Variants in CNTN5 observed in about 807,000 individuals in gnomAD.
CNTN5 encodes the protein contactin 5.
CNTN5 carries 77 observed loss-of-function variants against 129.1 expected under a neutral mutation model. The ratio of observed to expected loss-of-function variants is 0.60; its 90% CI spans 0.50 to 0.72. The LOEUF is 0.72. Among genes scored for constraint, CNTN5 ranks in the 30% least tolerant of loss-of-function variants. CNTN5 has a pLI of 0.00. For missense variants in CNTN5, 1,478 were observed against 1,328.8 expected (o/e 1.11, Z -1.75); for synonymous variants, 509 against 465.6 (o/e 1.09, Z -1.20).
chr11:99,455,171 C>G (rs1944452155), intron 2 of CNTN5, among the ~76,000 whole-genome samples: 1 of 151,892 alleles, frequency 6.6e-6, no homozygotes, highest in South Asian at 2.1e-4. Context: ...CAAAGTTGGC[C>G]CTCAAGATGC....
intron 2 of CNTN5, among the ~76,000 whole-genome samples, chr11:99,374,053 G>A (rs183557590): frequency 1.2e-3 from 187 of 152,168 alleles, no homozygotes; most frequent in Non-Finnish European, 1.9e-3. Flanking sequence ...GGAAGTTATC[G>A]AAACATTTCA....
chr11:100,260,203 G>T (rs1950167433), intron 17 of CNTN5, among the ~76,000 whole-genome samples: 1 of 152,054 alleles, frequency 6.6e-6, no homozygotes, highest in South Asian at 2.1e-4. Context: ...AGAAGAAATG[G>T]ATAAACTCCA....
At chr11:100,316,170 G>A (rs1951568949) in intron 21 of CNTN5, among the ~76,000 whole-genome samples, 1 of 152,162 alleles carries the variant, frequency 6.6e-6, no homozygotes, top group Admixed American at 6.5e-5. Flanking sequence ...TGGCAAGAAG[G>A]GAGGGTAAAG....
chr11:99,767,992 C>A (rs1041941484), intron 3 of CNTN5, among the ~76,000 whole-genome samples: 1 of 152,080 alleles, frequency 6.6e-6, no homozygotes, highest in Non-Finnish European at 1.5e-5. Context: ...TCATCTGCTT[C>A]TATCAGTAGT....
chr11:99,462,270 G>T (rs1405823760), intron 2 of CNTN5, among the ~76,000 whole-genome samples: 1 of 151,752 alleles, frequency 6.6e-6, no homozygotes, highest in African/African-American at 2.4e-5. Flanking sequence ...TTTTATTCAG[G>T]GAGAAAGAGA....
intron 2 of CNTN5, among the ~76,000 whole-genome samples, chr11:99,369,173 T>C (rs917053610): frequency 2.2e-5 from 3 of 137,410 alleles, no homozygotes; most frequent in East Asian, 2.0e-4. Context: ...AAGAATTATA[T>C]ATATATAATA....
chr11:99,902,798 A>T lies in CNTN5; in HGVS notation c.578-13256A>T, dbSNP rs1181150035. On this transcript the variant is annotated intron_variant, in intron 6 of 24. Coordinates refer to ENST00000524871, the MANE Select transcript of CNTN5 (RefSeq NM_014361.4). ...GTATTACCCAAAGATTATTTTACAT[A>T]CTAGTTGAGCCTAAATGAAGATCAC... 3.3e-5 allele frequency among the ~76,000 whole-genome samples: 5 copies of T among 152,304 alleles called. No individual in the cohort carries two copies. The South Asian group carries it at 1.0e-3, about 32-fold the overall frequency.
At chr11:99,952,584 C>T (rs1488946578) in intron 7 of CNTN5, among the ~76,000 whole-genome samples, 4 of 151,950 alleles carry the variant, frequency 2.6e-5, no homozygotes, top group African/African-American at 4.8e-5. Flanking sequence ...CAGGCTGGAG[C>T]GCAGTGGCAC....
intron 6 of CNTN5, among the ~76,000 whole-genome samples, chr11:99,907,038 G>A (rs1392172888): frequency 6.6e-6 from 1 of 151,834 alleles, no homozygotes; most frequent in African/African-American, 2.4e-5. Context: ...AATCTGGCTA[G>A]TGGTCTATTT....
At chr11:99,944,777 A>T (rs1451195832) in intron 7 of CNTN5, among the ~76,000 whole-genome samples, 1 of 152,120 alleles carries the variant, frequency 6.6e-6, no homozygotes, top group Non-Finnish European at 1.5e-5. Flanking sequence ...CTACAAAGAG[A>T]ATACATACCT....
At chr11:99,893,360 A>C (rs895346744) in intron 6 of CNTN5, among the ~76,000 whole-genome samples, 1 of 152,230 alleles carries the variant, frequency 6.6e-6, no homozygotes, top group Non-Finnish European at 1.5e-5. Flanking sequence ...TAGGTGGACA[A>C]CTTGGACTAC....
At chr11:100,111,842 T>C (rs1363051935) in intron 13 of CNTN5, among the ~76,000 whole-genome samples, 1 of 152,224 alleles carries the variant, frequency 6.6e-6, no homozygotes, top group Non-Finnish European at 1.5e-5. Flanking sequence ...TTTGATTGTA[T>C]GAATTTGACT....
intron 9 of CNTN5, among the ~76,000 whole-genome samples, chr11:100,018,922 G>A (rs571318096): frequency 4.4e-4 from 67 of 152,002 alleles, no homozygotes; most frequent in African/African-American, 1.6e-3. Context: ...GATATTGACT[G>A]TGTTATGTGC....
At chr11:99,522,176 A>G (rs982017487) in intron 2 of CNTN5, among the ~76,000 whole-genome samples, 22 of 152,126 alleles carry the variant, frequency 1.4e-4, no homozygotes, top group African/African-American at 5.1e-4. Flanking sequence ...ACACCTATAA[A>G]AGAACATATA....
intron 6 of CNTN5, among the ~76,000 whole-genome samples, chr11:99,885,323 CA>C (rs1948874341): frequency 1.3e-5 from 2 of 151,964 alleles, no homozygotes; most frequent in African/African-American, 4.8e-5. Context: ...AGAGAGAAAA[CA>C]AAAGCAGTGA....
At chr11:100,287,771 T>G (rs960599309) in intron 18 of CNTN5, among the ~76,000 whole-genome samples, 57 of 152,290 alleles carry the variant, frequency 3.7e-4, no homozygotes, top group Middle Eastern at 3.4e-3. Flanking sequence ...TAACTTTAGA[T>G]GTAAATGGAC....
intron 1 of CNTN5, among the ~76,000 whole-genome samples, chr11:99,257,313 C>G (rs546998365): frequency 6.6e-6 from 1 of 152,220 alleles, no homozygotes; most frequent in Admixed American, 6.6e-5. Context: ...AGTGAACTGT[C>G]ACAAGCTAAG....
intron 16 of CNTN5, among the ~76,000 whole-genome samples, chr11:100,225,924 C>G (rs1053617829): frequency 7.9e-5 from 12 of 152,004 alleles, no homozygotes; most frequent in African/African-American, 2.9e-4. Flanking sequence ...ATATATATCA[C>G]CGAATGTATA....
At chr11:99,069,734 G>T (rs747034060) in intron 1 of CNTN5, among the ~76,000 whole-genome samples, 3 of 152,054 alleles carry the variant, frequency 2.0e-5, no homozygotes, top group African/African-American at 2.4e-5. Context: ...CTTGAAAATG[G>T]CCTGTTGCTT....
Sources: allele counts gnomAD v4.1 joint callset (sites outside exome capture counted in the v4.1 genomes callset), GRCh38; gene constraint gnomAD v4.1.1; transcripts MANE v1.5; gene names NCBI Gene and HGNC (gene_info 2026-07-23, HGNC 2026-07-21).